Variants in SAMD5 observed in about 807,000 individuals in gnomAD.
The protein encoded by SAMD5 is sterile alpha motif domain containing 5.
A neutral mutation model predicts 11.3 loss-of-function variants in SAMD5; 13 were observed. That is an observed-to-expected ratio of 1.15 (90% CI 0.75 to 1.83). The LOEUF (loss-of-function observed/expected upper bound fraction) is 1.83. SAMD5 is among the 40% of genes most tolerant of loss of function. The probability of loss-of-function intolerance (pLI) is 0.00; values close to 1 mark genes in which losing one functional copy is unlikely to be tolerated. For synonymous variants in SAMD5, 129 were observed against 111.3 expected, an observed-to-expected ratio of 1.16 and a Z score of -1.00; for missense variants, 255 against 239.1, an observed-to-expected ratio of 1.07 and a Z score of -0.44.
chr6:147,923,172 G>A, the SAMD5 span, among the ~76,000 whole-genome samples: 1 of 152,180 alleles, frequency 6.6e-6, no homozygotes, highest in Non-Finnish European at 1.5e-5. Context: ...AAAACAACAT[G>A]TGAAGTTAAA....
At chr6:147,539,620 T>A (rs1196422106) in intron 1 of SAMD5, among the ~76,000 whole-genome samples, 1 of 151,660 alleles carries the variant, frequency 6.6e-6, no homozygotes, top group Non-Finnish European at 1.5e-5. Context: ...GGGCCTGCGG[T>A]GCCTTCTGTT....
At chr6:147,710,071 G>T (rs1204525544) in intron 1 of SAMD5, among the ~76,000 whole-genome samples, 1 of 152,168 alleles carries the variant, frequency 6.6e-6, no homozygotes, top group African/African-American at 2.4e-5. Context: ...TTGTCAGTCA[G>T]TCAGAAATAC....
chr6:147,831,884 T>C, the SAMD5 span, among the ~76,000 whole-genome samples: 1 of 152,234 alleles, frequency 6.6e-6, no homozygotes, highest in Non-Finnish European at 1.5e-5. Flanking sequence ...TTTGGTAGAA[T>C]ATCTGGCTGT....
chr6:147,536,524 C>A (rs1196354796), intron 1 of SAMD5, among the ~76,000 whole-genome samples: 5 of 151,676 alleles, frequency 3.3e-5, no homozygotes, highest in Admixed American at 3.3e-4. Context: ...TTATGAGAGT[C>A]CAAGAAGTTT....
chr6:147,587,473 G>A (rs1223812459), intron 1 of SAMD5, among the ~76,000 whole-genome samples: 1 of 152,164 alleles, frequency 6.6e-6, no homozygotes, highest in East Asian at 1.9e-4. Context: ...CTGACCTCAA[G>A]TGATCCGCCT....
chr6:147,881,214 T>C, the SAMD5 span, among the ~76,000 whole-genome samples: 1 of 152,166 alleles, frequency 6.6e-6, no homozygotes, highest in South Asian at 2.1e-4. Flanking sequence ...CTAAGATCTT[T>C]GTTTTTGACA....
intron 1 of SAMD5, among the ~76,000 whole-genome samples, chr6:147,664,409 T>C (rs1165685512): frequency 6.6e-6 from 1 of 152,190 alleles, no homozygotes; most frequent in Non-Finnish European, 1.5e-5. Flanking sequence ...CTTGTCCTGA[T>C]ACTTTTAAGG....
the SAMD5 span, among the ~76,000 whole-genome samples, chr6:147,918,860 A>G: frequency 6.6e-5 from 10 of 151,748 alleles, no homozygotes; most frequent in African/African-American, 2.4e-4. Context: ...ACGTGCCACC[A>G]CACTCAGCTA....
the SAMD5 span, among the ~76,000 whole-genome samples, chr6:147,878,621 G>GATATATATT: frequency 7.0e-6 from 1 of 142,842 alleles, no homozygotes; most frequent in African/African-American, 2.6e-5. Flanking sequence ...AGATATATAT[G>GATATATATT]TATATATATC....
At chr6:147,539,946 C>T (rs909996585) in intron 1 of SAMD5, among the ~76,000 whole-genome samples, 6 of 152,182 alleles carry the variant, frequency 3.9e-5, no homozygotes, top group Admixed American at 3.9e-4. Flanking sequence ...AATTTTACCA[C>T]AGGTAACGTC....
At chr6:147,664,157 C>A (rs1285679302) in intron 1 of SAMD5, among the ~76,000 whole-genome samples, 1 of 152,082 alleles carries the variant, frequency 6.6e-6, no homozygotes, top group African/African-American at 2.4e-5. Flanking sequence ...TTTAAATTTT[C>A]TGGTGCTGGA....
chr6:147,838,537 C>CA, the SAMD5 span, among the ~76,000 whole-genome samples: 1,030 of 144,824 alleles, frequency 7.1e-3, 28 homozygotes, highest in African/African-American at 0.026. Flanking sequence ...TCCTGCCCCC[C>CA]CCCCGTAGTT....
intron 1 of SAMD5, among the ~76,000 whole-genome samples, chr6:147,666,368 A>G (rs905754216): frequency 2.6e-5 from 4 of 152,228 alleles, no homozygotes; most frequent in African/African-American, 9.6e-5. Flanking sequence ...GCCTTAAATA[A>G]GAATATTTTC....
the SAMD5 span, among the ~76,000 whole-genome samples, chr6:147,883,137 A>T: frequency 6.6e-6 from 1 of 152,210 alleles, no homozygotes; most frequent in African/African-American, 2.4e-5. Context: ...GGATCATTTT[A>T]ATTTACACAA....
rs999606600 is a variant in SAMD5, at chr6:147,732,456, T to G, written c.163-4861T>G. On this transcript the variant is annotated intron_variant, in intron 1 of 1. Coordinates refer to the SAMD5 transcript ENST00000566741. ...TAATATCATCTGCAGAAAATAGGAGTTATTGGTTTAATTGCTGTTGCTTTA... is the reference window on the plus strand; with the variant it reads ...TAATATCATCTGCAGAAAATAGGAGGTATTGGTTTAATTGCTGTTGCTTTA... Among the ~76,000 whole-genome samples the G allele has an allele frequency of 9.2e-5, 14 of 152,140 alleles. 1 individual carries two copies. The highest frequency in any genetic ancestry group is 8.5e-4 in the Admixed American group (13 of 15,286).
intron 1 of SAMD5, among the ~76,000 whole-genome samples, chr6:147,661,857 T>C (rs12660282): frequency 0.089 from 13,505 of 152,126 alleles, 874 homozygotes; most frequent in East Asian, 0.26. Context: ...TCTCGAACTC[T>C]TGACCTCATG....
At chr6:147,797,773 A>G in the SAMD5 span, among the ~76,000 whole-genome samples, 4 of 146,080 alleles carry the variant, frequency 2.7e-5, no homozygotes, top group African/African-American at 7.8e-5. Flanking sequence ...TCAGAGATTC[A>G]ACTTCTTCCT....
chr6:147,587,448 G>C (rs79543239), intron 1 of SAMD5, among the ~76,000 whole-genome samples: 1 of 152,022 alleles, frequency 6.6e-6, no homozygotes, highest in Admixed American at 6.6e-5. Context: ...TGACAGCCAG[G>C]TTGGTCTCAA....
chr6:147,894,379 C>T, the SAMD5 span, among the ~76,000 whole-genome samples: 7 of 152,138 alleles, frequency 4.6e-5, 1 homozygote, highest in South Asian at 1.4e-3. Context: ...GCATCGGCCT[C>T]CCAAAGTGCT....
Sources: gnomAD v4.1 joint callset for allele counts (sites outside exome capture counted in the v4.1 genomes callset) on GRCh38, gnomAD v4.1.1 for gene constraint, MANE v1.5 for transcripts, NCBI Gene and HGNC (gene_info 2026-07-23, HGNC 2026-07-21) for gene names.